The following LYRM4 variants were observed in gnomAD, a reference collection of about 807,000 sequenced individuals.
The protein encoded by LYRM4 is LYR motif containing 4.
LYRM4 carries 9 observed loss-of-function variants against 11.7 expected under a neutral mutation model. The ratio of observed to expected loss-of-function variants is 0.77; its 90% confidence interval spans 0.46 to 1.34. LYRM4 has a LOEUF of 1.34. Among genes scored for constraint, LYRM4 ranks in the 40% most tolerant of loss-of-function variants. The probability of loss-of-function intolerance (pLI) is 0.00; values close to 1 mark genes in which losing one functional copy is unlikely to be tolerated. For missense variants in LYRM4, 133 were observed against 112.5 expected (o/e 1.18, Z -0.82); for synonymous variants, 42 against 40.4 (o/e 1.04, Z -0.15).
At chr6:5,074,594 T>C in the LYRM4 span, among the ~76,000 whole-genome samples, 1 of 151,818 alleles carries the variant, frequency 6.6e-6, no homozygotes, top group African/African-American at 2.4e-5. Context: ...ATGATAACAC[T>C]TGAACAAGTG....
intron 2 of LYRM4, chr6:5,186,906 C>G: frequency 2.3e-6 from 1 of 444,098 alleles, no homozygotes; most frequent in Non-Finnish European, 3.4e-6. Context: ...ATTGCTTGAA[C>G]CAGGGAGGCA....
At chr6:5,154,011 T>A (rs1044750266) in intron 2 of LYRM4, among the ~76,000 whole-genome samples, 1 of 152,172 alleles carries the variant, frequency 6.6e-6, no homozygotes, top group African/African-American at 2.4e-5. Context: ...GAAAATTACC[T>A]GCTAAATGTT....
chr6:5,130,867 G>C (rs1763920312), intron 2 of LYRM4, among the ~76,000 whole-genome samples: 1 of 151,994 alleles, frequency 6.6e-6, no homozygotes, highest in Admixed American at 6.6e-5. Context: ...TGACAAAAGA[G>C]AGATAAACAG....
chr6:5,118,115 GTTTTT>G lies in LYRM4; in HGVS notation c.208-8629_208-8625del, dbSNP rs368008500. ...ATATATTTTTGTTTTGTTTTGTTTTGTTTTTTTTTTTGAGACAGAGTCTCACTCTG... is the reference window on the plus strand; with the variant it reads ...ATATATTTTTGTTTTGTTTTGTTTTGTTTTTTGAGACAGAGTCTCACTCTG... On this transcript the variant is annotated intron_variant, in intron 2 of 2. Transcript: ENST00000330636. 5.3e-4 allele frequency among the ~76,000 whole-genome samples: 69 copies of G among 130,532 alleles called. 1 individual carries two copies. The highest frequency in any genetic ancestry group is 8.9e-4 in the African/African-American group (31 of 34,682). The allele number at this position is 130,532 out of a possible 152,430, so 85.6% of individuals were successfully genotyped here.
chr6:5,193,984 C>T (rs896326048), intron 2 of LYRM4, among the ~76,000 whole-genome samples: 2 of 146,440 alleles, frequency 1.4e-5, no homozygotes, highest in African/African-American at 2.5e-5. Flanking sequence ...TAAAAAGGCA[C>T]GTTATGTAGG....
chr6:5,091,752 ATT>A, the LYRM4 span, among the ~76,000 whole-genome samples: 1 of 152,368 alleles, frequency 6.6e-6, no homozygotes, highest in East Asian at 1.9e-4. Flanking sequence ...GTAAAAGGCT[ATT>A]TAAGTAAGTC....
intron 2 of LYRM4, among the ~76,000 whole-genome samples, chr6:5,209,790 T>C (rs1280334871): frequency 1.3e-5 from 2 of 152,210 alleles, no homozygotes; most frequent in African/African-American, 2.4e-5. Context: ...ATGTGGAACA[T>C]AGCTGAGAAG....
At chr6:5,242,843 G>A (rs966081062) in intron 1 of LYRM4, among the ~76,000 whole-genome samples, 17 of 146,852 alleles carry the variant, frequency 1.2e-4, no homozygotes, top group Non-Finnish European at 2.4e-4. Context: ...GCGCAATCTC[G>A]GCTCACTGCA....
the LYRM4 span, among the ~76,000 whole-genome samples, chr6:5,093,357 C>T: frequency 6.6e-6 from 1 of 152,212 alleles, no homozygotes. Flanking sequence ...CTGGCATGAC[C>T]CATCACTATC....
chr6:5,255,566 T>C (rs1384894946), intron 1 of LYRM4, among the ~76,000 whole-genome samples: 1 of 152,198 alleles, frequency 6.6e-6, no homozygotes, highest in Non-Finnish European at 1.5e-5. Context: ...CTCAGTAATA[T>C]TTAAGAACGT....
the LYRM4 span, among the ~76,000 whole-genome samples, chr6:5,090,857 C>G: frequency 6.6e-6 from 1 of 152,214 alleles, no homozygotes; most frequent in Admixed American, 6.5e-5. The surrounding 1 kb of genome is among the most constrained non-coding windows in gnomAD (Gnocchi z 4.8). Context: ...AGGCTAAGAT[C>G]TTTCATTCCC....
the LYRM4 span, among the ~76,000 whole-genome samples, chr6:5,035,333 A>C: frequency 1.3e-5 from 2 of 151,662 alleles, no homozygotes; most frequent in East Asian, 3.9e-4. Flanking sequence ...AGTCACCCAG[A>C]TCCATCCTTT....
intron 2 of LYRM4, among the ~76,000 whole-genome samples, chr6:5,156,547 C>T (rs765886277): frequency 1.3e-5 from 2 of 152,190 alleles, no homozygotes; most frequent in African/African-American, 4.8e-5. Flanking sequence ...CAATGGTGCA[C>T]GTGTGGAATG....
the LYRM4 span, among the ~76,000 whole-genome samples, chr6:5,097,978 G>C: frequency 1.3e-5 from 2 of 152,170 alleles, no homozygotes; most frequent in Admixed American, 1.3e-4. Flanking sequence ...TGTTTGGTGT[G>C]TGTTTTTATA....
intron 2 of LYRM4, among the ~76,000 whole-genome samples, chr6:5,200,841 T>A (rs909066974): frequency 1.5e-5 from 2 of 129,864 alleles, no homozygotes; most frequent in African/African-American, 5.1e-5. Flanking sequence ...CTGTAGGTGG[T>A]TCTGACGTAC....
chr6:5,085,125 C>T, the LYRM4 span: 1 of 277,182 alleles, frequency 3.6e-6, no homozygotes, highest in Non-Finnish European at 6.7e-6. Context: ...AGCCCGCGAA[C>T]GACAGAAAGT....
At chr6:5,138,638 A>G (rs1363954850) in intron 2 of LYRM4, 1 of 1,109,998 alleles carries the variant, frequency 9.0e-7, no homozygotes, top group African/African-American at 1.6e-5. Flanking sequence ...TGACATCTGT[A>G]TATTAAGGAA....
chr6:5,247,744 A>T (rs1300983480), intron 1 of LYRM4, among the ~76,000 whole-genome samples: 1 of 152,192 alleles, frequency 6.6e-6, no homozygotes, highest in Non-Finnish European at 1.5e-5. Flanking sequence ...ATAAATACAT[A>T]CAGCTTAATA....
chr6:5,097,974 G>C, the LYRM4 span, among the ~76,000 whole-genome samples: 1 of 152,124 alleles, frequency 6.6e-6, no homozygotes, highest in Non-Finnish European at 1.5e-5. Flanking sequence ...TTTTTGTTTG[G>C]TGTGTGTTTT....
Sources: gnomAD v4.1 joint callset for allele counts (sites outside exome capture counted in the v4.1 genomes callset) on GRCh38, gnomAD v4.1.1 for gene constraint, Gnocchi (gnomAD v3.1) non-coding constraint, MANE v1.5 for transcripts, NCBI Gene and HGNC (gene_info 2026-07-23, HGNC 2026-07-21) for gene names.